Variants in BRINP1 observed in about 807,000 individuals in gnomAD.
BRINP1 encodes BMP/retinoic acid inducible neural specific 1, also known as BMP/retinoic acid-inducible neural-specific protein 1.
A neutral mutation model predicts 72.9 loss-of-function variants in BRINP1; 17 were observed. The ratio of observed to expected loss-of-function variants is 0.23; its 90% CI spans 0.16 to 0.35. BRINP1 has a LOEUF of 0.35. Among genes scored for constraint, BRINP1 ranks in the 10% least tolerant of loss-of-function variants. The pLI is 1.00. For synonymous variants in BRINP1, 418 were observed against 378.5 expected (o/e 1.10, Z -1.21); for missense variants, 850 against 1,001.6 (o/e 0.85, Z 2.04).
chr9:119,258,439 A>C (rs1246058593), intron 2 of BRINP1, among the ~76,000 whole-genome samples: 1 of 152,244 alleles, frequency 6.6e-6, no homozygotes, highest in Non-Finnish European at 1.5e-5. Flanking sequence ...ATCGTGGGAA[A>C]GGAAGCTTAG....
rs1263956698 is a variant in BRINP1, at chr9:119,313,166, C to A, written c.190G>T (p.Gly64Ter). 6.2e-7 allele frequency: 1 copy of A among 1,613,960 alleles called. No individual in the cohort carries two copies. Among genetic ancestry groups the A allele is most frequent in the Non-Finnish European group, 8.5e-7 (1 of 1,180,026 alleles). ...TATATTTTATATCTGGTTGTAAATC[C>A]TTGACGGTGTCTTTCCACAAAGGAT... The part of the protein sequence containing the change: ...YLSFVERHRQ[G>*]FTTRYKIYRE... Residue 64 changes from glycine to a stop codon, truncating the protein, a stop_gained, in exon 2 of 8, where the codon GGA becomes TGA. Transcript: ENST00000265922. LOFTEE classifies it high-confidence loss of function.
chr9:119,183,055 C>T (rs563631359), intron 7 of BRINP1, among the ~76,000 whole-genome samples: 1 of 152,262 alleles, frequency 6.6e-6, no homozygotes, highest in East Asian at 1.9e-4. Flanking sequence ...TGAAACTCTC[C>T]TAGGCTACTG....
In BRINP1 at chr9:119,300,662, C is replaced by T. The variant is rs374093298; in HGVS notation, c.218+12476G>A. Among the ~76,000 whole-genome samples, 149 of 152,264 alleles carry T rather than the reference C, an allele frequency of 9.8e-4. 2 individuals carry two copies. Among genetic ancestry groups the T allele is most frequent in the African/African-American group, 3.5e-3 (144 of 41,552 alleles). On this transcript the variant is annotated intron_variant, in intron 2 of 7. Coordinates refer to ENST00000265922, the MANE Select transcript of BRINP1 (RefSeq NM_014618.3). ...TTCACATCTCTGCTTCTTTTCATAG[C>T]CATGCTTCTTTTTTAAAAAAGAAAA... is the stretch of plus-strand genomic sequence containing the variant.
chr9:119,206,293 G>C (rs537285343), intron 7 of BRINP1, among the ~76,000 whole-genome samples: 26 of 151,964 alleles, frequency 1.7e-4, no homozygotes, highest in African/African-American at 6.0e-4. Context: ...GTGCACACCT[G>C]TAATCCCAGC....
intron 4 of BRINP1, among the ~76,000 whole-genome samples, chr9:119,241,122 C>T (rs1317012397): frequency 6.6e-6 from 1 of 152,208 alleles, no homozygotes; most frequent in Non-Finnish European, 1.5e-5. Context: ...GGCTGCTTTT[C>T]TCAATGTGAC....
chr9:119,220,346 C>A (rs1830027565), intron 5 of BRINP1, among the ~76,000 whole-genome samples: 1 of 152,074 alleles, frequency 6.6e-6, no homozygotes, highest in African/African-American at 2.4e-5. Context: ...ACTGACCATG[C>A]TCTGTGAGGC....
chr9:119,253,841 A>C (rs1830418789), intron 2 of BRINP1, among the ~76,000 whole-genome samples: 1 of 152,182 alleles, frequency 6.6e-6, no homozygotes, highest in Non-Finnish European at 1.5e-5. Flanking sequence ...CACAGGATGA[A>C]TGACTATGTG....
At chr9:119,260,210 C>T (rs1830483432) in intron 2 of BRINP1, among the ~76,000 whole-genome samples, 1 of 152,188 alleles carries the variant, frequency 6.6e-6, no homozygotes, top group Non-Finnish European at 1.5e-5. Flanking sequence ...ACTCACAAGG[C>T]ACCAAACTAT....
intron 2 of BRINP1, among the ~76,000 whole-genome samples, chr9:119,262,451 G>A (rs890810772): frequency 6.6e-6 from 1 of 151,758 alleles, no homozygotes; most frequent in African/African-American, 2.4e-5. Flanking sequence ...GGCCAATATG[G>A]TGAAGCCCTG....
At chr9:119,258,378 T>C (rs1038880781) in intron 2 of BRINP1, among the ~76,000 whole-genome samples, 2 of 152,196 alleles carry the variant, frequency 1.3e-5, no homozygotes, top group African/African-American at 2.4e-5. Context: ...GGATTCTTCC[T>C]GAAGCACTGT....
intron 1 of BRINP1, among the ~76,000 whole-genome samples, chr9:119,360,305 C>G (rs993699861): frequency 1.3e-5 from 2 of 152,316 alleles, no homozygotes; most frequent in African/African-American, 4.8e-5. Context: ...ATTTTCTTTT[C>G]TAATGGCCCC....
chr9:119,303,289 CAG>C (rs1830959786), intron 2 of BRINP1, among the ~76,000 whole-genome samples: 2 of 119,676 alleles, frequency 1.7e-5, no homozygotes, highest in African/African-American at 6.1e-5. Context: ...CACACACACA[CAG>C]ACACACACAC....
At chr9:119,314,184 C>T (rs748914777) in intron 1 of BRINP1, among the ~76,000 whole-genome samples, 21 of 152,224 alleles carry the variant, frequency 1.4e-4, no homozygotes, top group Non-Finnish European at 2.8e-4. Flanking sequence ...AAACTGAAGG[C>T]GGTCATTTTG....
intron 7 of BRINP1, among the ~76,000 whole-genome samples, chr9:119,195,554 G>T (rs1247071308): frequency 6.6e-6 from 1 of 152,164 alleles, no homozygotes; most frequent in Non-Finnish European, 1.5e-5. Flanking sequence ...TATACATAAG[G>T]TATTTGTCTT....
intron 1 of BRINP1, among the ~76,000 whole-genome samples, chr9:119,365,293 A>G (rs1831680025): frequency 6.6e-6 from 1 of 152,248 alleles, no homozygotes; most frequent in African/African-American, 2.4e-5. Flanking sequence ...GGTGGAAAGA[A>G]TAATAAAGAT....
At chr9:119,357,234 T>C (rs1405115386) in intron 1 of BRINP1, among the ~76,000 whole-genome samples, 1 of 152,222 alleles carries the variant, frequency 6.6e-6, no homozygotes, top group Non-Finnish European at 1.5e-5. Context: ...CCTTTCTTTA[T>C]ACATGCACGT....
chr9:119,215,148 C>T (rs1212802575), intron 5 of BRINP1, among the ~76,000 whole-genome samples: 1 of 152,164 alleles, frequency 6.6e-6, no homozygotes, highest in African/African-American at 2.4e-5. Context: ...CTTCTTTGCT[C>T]TAACAGTGAG....
intron 7 of BRINP1, among the ~76,000 whole-genome samples, chr9:119,191,192 C>T (rs1564213307): frequency 6.6e-6 from 1 of 151,784 alleles, no homozygotes; most frequent in Non-Finnish European, 1.5e-5. Flanking sequence ...CAACAGGAAA[C>T]AACTGAAAGC....
At chr9:119,181,088 A>T (rs1393229015) in intron 7 of BRINP1, among the ~76,000 whole-genome samples, 2 of 152,232 alleles carry the variant, frequency 1.3e-5, no homozygotes, top group African/African-American at 4.8e-5. Flanking sequence ...GCTTTGGGGC[A>T]TGAATGTGCT....
Sources: allele counts gnomAD v4.1 joint callset (sites outside exome capture counted in the v4.1 genomes callset), GRCh38; gene constraint gnomAD v4.1.1; transcripts MANE v1.5; gene names NCBI Gene and HGNC (gene_info 2026-07-23, HGNC 2026-07-21).